The following SEC63 variants were observed in gnomAD, a reference collection of about 807,000 sequenced individuals.
SEC63 encodes the protein translocation protein SEC63 homolog.
SEC63 carries 56 observed loss-of-function variants against 116.2 expected under a neutral mutation model. The ratio of observed to expected loss-of-function variants is 0.48; its 90% CI spans 0.39 to 0.60. SEC63 has a LOEUF of 0.60. Among genes scored for constraint, SEC63 ranks in the 20% least tolerant of loss-of-function variants. The pLI, the probability that SEC63 is intolerant of heterozygous loss-of-function variation, is 0.00. For synonymous variants in SEC63, 273 were observed against 294.6 expected (o/e 0.93, Z 0.75); for missense variants, 668 against 900.0 (o/e 0.74, Z 3.30).
At chr6:107,920,601 T>C (rs577027574) in intron 4 of SEC63, among the ~76,000 whole-genome samples, 1 of 152,304 alleles carries the variant, frequency 6.6e-6, no homozygotes, top group Admixed American at 6.5e-5. Context: ...CTCCAAAGTA[T>C]GCTTGTATTT....
intron 13 of SEC63, among the ~76,000 whole-genome samples, chr6:107,898,434 T>TA (rs1277572720): frequency 3.2e-4 from 48 of 152,160 alleles, no homozygotes; most frequent in Admixed American, 3.1e-3. Flanking sequence ...GTCACCCTAT[T>TA]AAACTGTGCA....
chr6:107,897,537 G>T, intron 14 of SEC63, 112 bp downstream of exon 14: 2 of 776,930 alleles, frequency 2.6e-6, no homozygotes, highest in Non-Finnish European at 4.5e-6. Flanking sequence ...AACAGAATTT[G>T]CAAAATTAGA....
At chr6:107,906,379 C>G in intron 10 of SEC63, 69 bp downstream of exon 10, 4 of 1,512,422 alleles carry the variant, frequency 2.6e-6, no homozygotes, top group Non-Finnish European at 3.7e-6. Flanking sequence ...CTAATACACA[C>G]CATTAAGTCT....
chr6:107,925,677 A>G (rs112228919), intron 2 of SEC63, among the ~76,000 whole-genome samples: 1,552 of 152,350 alleles, frequency 0.01, 19 homozygotes, highest in Non-Finnish European at 0.013. Flanking sequence ...TATACACTCT[A>G]AAGTAATATC....
chr6:107,949,533 AAAAAAAATCAGCTAAAC>A (rs1770539478), intron 1 of SEC63, among the ~76,000 whole-genome samples: 1 of 152,082 alleles, frequency 6.6e-6, no homozygotes, highest in African/African-American at 2.4e-5. Flanking sequence ...ATTTCACTAC[AAAAAAAATCAGCTAAAC>A]AAAAAAATAG....
At chr6:107,943,696 G>A (rs1020218938) in intron 1 of SEC63, among the ~76,000 whole-genome samples, 2 of 152,204 alleles carry the variant, frequency 1.3e-5, no homozygotes, top group South Asian at 2.1e-4. Flanking sequence ...TGACTATCTA[G>A]AGGAAAAGTA....
Position 107,912,716 on chromosome 6 carries a change from C to T in SEC63, c.573G>A (p.Leu191=), listed in dbSNP as rs776203181. Residue 191 remains leucine (L), a splice_region_variant and synonymous_variant, in exon 6 of 21, where the codon CTG becomes CTA. Coordinates refer to ENST00000369002, the MANE Select transcript of SEC63 (RefSeq NM_007214.5). ...AWIVDQKNSI[L]VLLVYGLAFM... is the part of the protein sequence containing the mutation. ...ATGTATCTTATTTAAATGCACTCACCAGAATTGAGTTTTTCTGGTCAACTA... is the reference window on the plus strand; with the variant it reads ...ATGTATCTTATTTAAATGCACTCACTAGAATTGAGTTTTTCTGGTCAACTA... 8.8e-6 allele frequency: 14 copies of T among 1,599,008 alleles called. No individual in the cohort carries two copies. The highest frequency in any genetic ancestry group is 4.4e-5 in the South Asian group (4 of 90,584).
intron 2 of SEC63, 110 bp downstream of exon 2, chr6:107,929,305 T>G (rs1787745630): frequency 1.5e-6 from 1 of 662,402 alleles, no homozygotes; most frequent in African/African-American, 1.8e-5. Context: ...TACTATAGAT[T>G]ACAATTTCTT....
rs138179136 is a variant in SEC63, at chr6:107,931,925, C to T, written c.125-2411G>A. ...AACCACACAAAATAAGACTTGCCAC[C>T]CACCTTCCAGTGGCCTAAGACAACG... is the stretch of plus-strand genomic sequence containing the variant. On this transcript the variant is annotated intron_variant, in intron 1 of 20. Coordinates refer to ENST00000369002, the MANE Select transcript of SEC63 (RefSeq NM_007214.5). 4.1e-3 allele frequency: 628 copies of T among 152,776 alleles called. 3 individuals are homozygous for T. The highest frequency in any genetic ancestry group is 7.3e-3 in the Non-Finnish European group (502 of 68,422). The allele number at this position is 152,776 out of a possible 1,614,324, so 9.5% of individuals were successfully genotyped here.
rs1449097182 is a variant in SEC63 at position 107,872,867 on chromosome 6, A to G, written c.2080T>C (p.Tyr694His). 6.4e-7 allele frequency: 1 copy of G among 1,553,248 alleles called. No individual in the cohort carries two copies. Among genetic ancestry groups the G allele is most frequent in the East Asian group, 2.4e-5 (1 of 41,054 alleles). The part of the protein sequence containing the change: ...PAPGKPGNYQ[Y>H]TVFLRSDSYM... ...GAGTCTGATCTCAGAAACACAGTAT[A>G]CTGATAATTTCCAGGCTTGCCTGGT... The change falls in exon 20 of 21, where the codon TAT becomes CAT. Residue 694 changes from tyrosine to histidine, a missense_variant. By Grantham distance (83) the Tyr-to-His change is moderately conservative. Transcript: ENST00000369002.
Position 107,908,909 on chromosome 6 carries a change from T to C in SEC63, c.733+18A>G. On this transcript the variant is annotated intron_variant, in intron 8 of 20. Transcript: ENST00000369002. ...AAAACAATGTGATTAATAGCAAAGT[T>C]ACTTAAAGTTTACTTACGTTTCATA... 2 of 1,436,480 alleles carry C rather than the reference T, an allele frequency of 1.4e-6. No individual in the cohort carries two copies. Among genetic ancestry groups the C allele is most frequent in the Non-Finnish European group, 2.0e-6 (2 of 1,020,672 alleles). The allele number at this position is 1,436,480 out of a possible 1,614,324, so 89.0% of individuals were successfully genotyped here.
At position 107,870,490 on chromosome 6, in the gene SEC63, TAC is replaced by T. The variant is rs1786105906; in HGVS notation, c.*1212_*1213del. The T allele has an allele frequency of 6.5e-6, 1 of 152,720 alleles. No homozygotes were observed. Among genetic ancestry groups the T allele is most frequent in the East Asian group, 1.9e-4 (1 of 5,164 alleles). 9.5% of individuals were successfully genotyped at this position (152,720 alleles called of 1,614,324 possible). A position where few individuals can be genotyped will look rare whatever the true frequency, so the allele number is the denominator to read the frequency against. ...ATTATTACAATCAGTTTTATAATACTACAGACTTATGTTTCCTCCATATCTAG... is the reference window on the plus strand; with the variant it reads ...ATTATTACAATCAGTTTTATAATACTAGACTTATGTTTCCTCCATATCTAG... On this transcript the variant is annotated 3_prime_UTR_variant, in exon 21 of 21. Coordinates refer to ENST00000369002, the MANE Select transcript of SEC63 (RefSeq NM_007214.5).
At position 107,871,081 on chromosome 6, in the gene SEC63, T is replaced by A. The variant is rs552698380; in HGVS notation, c.*623A>T. ...AAGCCATTAAAAGCCATTTTTATAA[T>A]CTGTCTGATAACTCTGGGCAATTAA... On this transcript the variant is annotated 3_prime_UTR_variant, in exon 21 of 21. Transcript: ENST00000369002. 1 of 154,086 alleles carries A rather than the reference T, an allele frequency of 6.5e-6. No individual in the cohort carries two copies. Among genetic ancestry groups the A allele is most frequent in the African/African-American group, 2.4e-5 (1 of 41,454 alleles). The allele number at this position is 154,086 out of a possible 1,614,324, so 9.5% of individuals were successfully genotyped here.
rs557431919 is a variant in SEC63, at chr6:107,905,971, C to T, written c.961+477G>A. 1.1e-4 allele frequency among the ~76,000 whole-genome samples: 17 copies of T among 152,230 alleles called. No individual in the cohort carries two copies. The South Asian group carries it at 2.9e-3, about 26-fold the overall frequency. ...AAAAAAGAACAGCAACAAAACACAC[C>T]GCACCACCATGCTATGGTTTGGGTC... On this transcript the variant is annotated intron_variant, in intron 10 of 20. Coordinates refer to ENST00000369002, the MANE Select transcript of SEC63 (RefSeq NM_007214.5).
intron 16 of SEC63, among the ~76,000 whole-genome samples, chr6:107,891,134 C>G (rs1786671769): frequency 6.6e-6 from 1 of 152,154 alleles, no homozygotes. Context: ...TGGGGAAGTT[C>G]TCCTGGATAA....
At chr6:107,881,383 C>T in intron 17 of SEC63, 133 bp from the exon 18 acceptor site, 1 of 661,480 alleles carries the variant, frequency 1.5e-6, no homozygotes, top group Non-Finnish European at 2.7e-6. Context: ...CAAATCTGAT[C>T]ATCTCCCTGC....
At chr6:107,930,733 C>T (rs1787788156) in intron 1 of SEC63, among the ~76,000 whole-genome samples, 1 of 151,528 alleles carries the variant, frequency 6.6e-6, no homozygotes, top group Non-Finnish European at 1.5e-5. Flanking sequence ...CGTGGCTCAC[C>T]TCTATAATCC....
intron 4 of SEC63, among the ~76,000 whole-genome samples, chr6:107,919,981 A>T (rs1787515693): frequency 6.6e-6 from 1 of 152,188 alleles, no homozygotes; most frequent in Non-Finnish European, 1.5e-5. Context: ...CCCAACCTTC[A>T]GTAACCACTA....
rs200389835 is a variant in SEC63, at chr6:107,928,328, CA to C, written c.224+1086del. On this transcript the variant is annotated intron_variant, in intron 2 of 20. Transcript: ENST00000369002. ...TGAAACCCCATCCCTATAAAAAATACAAAAAAAAAAGTTAACCAGGTGTAGT... is the reference window on the plus strand; with the variant it reads ...TGAAACCCCATCCCTATAAAAAATACAAAAAAAAAGTTAACCAGGTGTAGT... Among the ~76,000 whole-genome samples, 132 of 145,982 alleles carry C rather than the reference CA, an allele frequency of 9.0e-4. No homozygotes were observed. In the Middle Eastern group the frequency reaches 0.014, roughly 15 times the overall value.
Sources: gnomAD v4.1 joint callset for allele counts (sites outside exome capture counted in the v4.1 genomes callset) on GRCh38, gnomAD v4.1.1 for gene constraint, MANE v1.5 for transcripts, NCBI Gene and HGNC (gene_info 2026-07-23, HGNC 2026-07-21) for gene names.